PGR: variants seen among roughly 807,000 people sequenced by gnomAD.
PGR encodes progesterone receptor, also known as nuclear receptor subfamily 3 group C member 3.
In PGR, 25 loss-of-function variants were observed where a neutral mutation model predicts 76.1. That is an observed-to-expected ratio of 0.33 (90% CI 0.24 to 0.46). PGR has a LOEUF of 0.46. Among genes scored for constraint, PGR ranks in the 20% least tolerant of loss-of-function variants. PGR has a pLI of 1.00. For missense variants in PGR, 1,172 were observed against 1,225.3 expected (o/e 0.96, Z 0.65); for synonymous variants, 579 against 535.0 (o/e 1.08, Z -1.14).
chr11:101,090,230 A>C (rs1402830706), intron 3 of PGR, among the ~76,000 whole-genome samples: 1 of 152,138 alleles, frequency 6.6e-6, no homozygotes, highest in Non-Finnish European at 1.5e-5. Flanking sequence ...AGAATATTAA[A>C]AGATAACATA....
chr11:101,079,824 C>T (rs1373712657), intron 3 of PGR, among the ~76,000 whole-genome samples: 1 of 152,192 alleles, frequency 6.6e-6, no homozygotes, highest in Non-Finnish European at 1.5e-5. Context: ...TTTCCTGCAG[C>T]ACTATATATA....
At chr11:101,097,960 T>A (rs139922872) in intron 2 of PGR, among the ~76,000 whole-genome samples, 37,265 of 151,784 alleles carry the variant, frequency 0.25, 5,680 homozygotes, top group Non-Finnish European at 0.35. Context: ...GTATTTTTAG[T>A]AGAGATGGGG....
At chr11:101,098,949 C>G (rs765631698) in intron 2 of PGR, among the ~76,000 whole-genome samples, 1 of 152,140 alleles carries the variant, frequency 6.6e-6, no homozygotes, top group South Asian at 2.1e-4. Flanking sequence ...AAATATTGGC[C>G]TTTAATGGGA....
chr11:101,077,978 G>A (rs1195797698), intron 3 of PGR, among the ~76,000 whole-genome samples: 1 of 152,162 alleles, frequency 6.6e-6, no homozygotes, highest in Non-Finnish European at 1.5e-5. Flanking sequence ...GGTATTAAAG[G>A]CACAGAGCAG....
At position 101,093,592 on chromosome 11, in the gene PGR, T is replaced by C. The variant is rs894280570; in HGVS notation, c.1790-1716A>G. On this transcript the variant is annotated intron_variant, in intron 2 of 7. Coordinates refer to ENST00000325455, the MANE Select transcript of PGR (RefSeq NM_000926.4). ...TTTCCTGCCTCAGCCTCTGAGTAGC[T>C]GGAATTACAGGCATGCACCACCACG... Among the ~76,000 whole-genome samples the C allele has an allele frequency of 3.9e-5, 6 of 152,140 alleles. No homozygotes were observed. In the South Asian group the frequency reaches 8.3e-4, roughly 21 times the overall value.
chr11:101,059,856 A>AAG lies in PGR; in HGVS notation c.2212+2590_2212+2591insCT, dbSNP rs1378034630. Among the ~76,000 whole-genome samples, 6 of 137,882 alleles carry AAG rather than the reference A, an allele frequency of 4.4e-5. No homozygotes were observed. The South Asian group carries it at 6.7e-4, about 15-fold the overall frequency. The allele number at this position is 137,882 out of a possible 152,430, so 90.5% of individuals were successfully genotyped here. A position where few individuals can be genotyped will look rare whatever the true frequency, so the allele number is the denominator to read the frequency against. On this transcript the variant is annotated intron_variant, in intron 4 of 7. Transcript: ENST00000325455. ...AGACCCTCTCTCAAAAAAAAAAAAA[A>AAG]AAAAAGAAAAAAAAGAAAAGAAACA...
chr11:101,075,071 C>G (rs1247391553), intron 3 of PGR, among the ~76,000 whole-genome samples: 3 of 152,170 alleles, frequency 2.0e-5, no homozygotes, highest in Non-Finnish European at 4.4e-5. Context: ...TGACTTCAAA[C>G]TATACTACAA....
chr11:101,045,772 A>G (rs928204472), intron 6 of PGR, among the ~76,000 whole-genome samples: 3 of 151,722 alleles, frequency 2.0e-5, no homozygotes, highest in Non-Finnish European at 2.9e-5. Flanking sequence ...TTGATTTCCT[A>G]TCTTTGCTAT....
chr11:101,057,767 T>C (rs1378732232), intron 4 of PGR, among the ~76,000 whole-genome samples: 2 of 152,136 alleles, frequency 1.3e-5, no homozygotes, highest in Non-Finnish European at 2.9e-5. Flanking sequence ...TACCAAAAAT[T>C]CTTGCTGAGG....
At chr11:101,091,561 C>T (rs1016936703) in intron 3 of PGR, among the ~76,000 whole-genome samples, 199 bp downstream of exon 3, 3 of 152,126 alleles carry the variant, frequency 2.0e-5, no homozygotes, top group African/African-American at 7.2e-5. Context: ...CTTAACAGAC[C>T]TCAATGTGCT....
chr11:101,066,908 T>C (rs1860738913), intron 3 of PGR, among the ~76,000 whole-genome samples: 1 of 152,212 alleles, frequency 6.6e-6, no homozygotes, highest in Admixed American at 6.5e-5. Flanking sequence ...CTGGCTGGTT[T>C]CCCAGCTTTC....
intron 3 of PGR, among the ~76,000 whole-genome samples, chr11:101,072,145 A>G (rs952530335): frequency 1.3e-5 from 2 of 152,218 alleles, no homozygotes; most frequent in Non-Finnish European, 2.9e-5. Context: ...GAAACCCTAC[A>G]TGCCAGAAGA....
At chr11:101,043,351 T>C (rs190438430) in intron 6 of PGR, among the ~76,000 whole-genome samples, 9 of 152,318 alleles carry the variant, frequency 5.9e-5, no homozygotes, top group Non-Finnish European at 1.2e-4. Context: ...AATTCAGTCA[T>C]GTCTTCAGGC....
At chr11:101,081,880 A>G (rs534592029) in intron 3 of PGR, among the ~76,000 whole-genome samples, 93 of 152,326 alleles carry the variant, frequency 6.1e-4, no homozygotes, top group Non-Finnish European at 1.1e-3. Flanking sequence ...GCTAACAACT[A>G]AACAAGGGAT....
At chr11:101,105,858 T>A (rs540856319) in intron 2 of PGR, among the ~76,000 whole-genome samples, 2 of 152,264 alleles carry the variant, frequency 1.3e-5, no homozygotes, top group South Asian at 2.1e-4. Context: ...CAAAACAGCA[T>A]GGCACTGGTA....
chr11:101,077,095 T>C (rs1316259535), intron 3 of PGR, among the ~76,000 whole-genome samples: 1 of 152,080 alleles, frequency 6.6e-6, no homozygotes, highest in Non-Finnish European at 1.5e-5. Flanking sequence ...AGTTTCCTAG[T>C]GTTTGTATTC....
At chr11:101,068,222 C>G (rs1307992499) in intron 3 of PGR, among the ~76,000 whole-genome samples, 1 of 151,990 alleles carries the variant, frequency 6.6e-6, no homozygotes, top group African/African-American at 2.4e-5. Flanking sequence ...TCCTATACAC[C>G]AATAATAGAC....
At chr11:101,084,529 G>C (rs1591399712) in intron 3 of PGR, among the ~76,000 whole-genome samples, 1 of 152,028 alleles carries the variant, frequency 6.6e-6, no homozygotes, top group Non-Finnish European at 1.5e-5. Flanking sequence ...GTGGTGGCAG[G>C]TGCATATAAT....
chr11:101,128,227 G>T lies in PGR; in HGVS notation c.844C>A (p.Leu282Met). 6.3e-7 allele frequency: 1 copy of T among 1,596,780 alleles called. No individual in the cohort carries two copies. ...GCCATCGGCGCGTCCTGCTCCACCA[G>T]GGCGACCCTGGGCGCTGAGAAGCGG... ...DSRFSAPRVA[L>M]VEQDAPMAPG... Residue 282 changes from leucine to methionine, a missense_variant, in exon 1 of 8, where the codon CTG (leucine) becomes ATG (methionine). Leu to Met is a conservative substitution (Grantham distance 15). Around this residue, in one of 4 missense-constraint regions of PGR, gnomAD observed 893 missense variants for 785.9 expected, o/e 1.14. Transcript: ENST00000325455.
Sources: gnomAD v4.1 joint callset for allele counts (sites outside exome capture counted in the v4.1 genomes callset) on GRCh38, gnomAD v4.1.1 for gene constraint, gnomAD v4.1.1 regional missense constraint, MANE v1.5 for transcripts, NCBI Gene and HGNC (gene_info 2026-07-23, HGNC 2026-07-21) for gene names.